The following LRGUK variants were observed in gnomAD, a reference collection of about 807,000 sequenced individuals.
LRGUK encodes leucine rich repeats and guanylate kinase domain containing.
LRGUK carries 65 observed loss-of-function variants against 76.0 expected under a neutral mutation model. The ratio of observed to expected loss-of-function variants is 0.85; its 90% confidence interval spans 0.70 to 1.05. LRGUK has a LOEUF of 1.05. Among genes scored for constraint, LRGUK ranks in the 50% least tolerant of loss-of-function variants. The pLI is 0.00. For missense variants in LRGUK, 758 were observed against 732.8 expected (o/e 1.03, Z -0.40); for synonymous variants, 268 against 265.6 (o/e 1.01, Z -0.09).
At chr7:134,270,023 G>C in the LRGUK span, among the ~76,000 whole-genome samples, 1 of 152,122 alleles carries the variant, frequency 6.6e-6, no homozygotes, top group Non-Finnish European at 1.5e-5. Flanking sequence ...GTTTCTCTCT[G>C]AGAATAACAA....
chr7:134,226,941 C>T (rs1801778388), intron 16 of LRGUK, among the ~76,000 whole-genome samples: 1 of 152,136 alleles, frequency 6.6e-6, no homozygotes, highest in Non-Finnish European at 1.5e-5. Context: ...CACCAAGAAC[C>T]TTCAGATACC....
At chr7:134,138,722 T>C (rs1797636420) in intron 2 of LRGUK, among the ~76,000 whole-genome samples, 2 of 152,324 alleles carry the variant, frequency 1.3e-5, no homozygotes, top group South Asian at 4.1e-4. Context: ...AAAACAATCA[T>C]AGAAGTCTTT....
chr7:134,239,348 C>T (rs558903432), intron 16 of LRGUK, among the ~76,000 whole-genome samples: 1 of 152,344 alleles, frequency 6.6e-6, no homozygotes, highest in South Asian at 2.1e-4. Flanking sequence ...GACACTCCCA[C>T]ACTAATACTG....
intron 12 of LRGUK, among the ~76,000 whole-genome samples, chr7:134,193,109 A>G (rs1800327973): frequency 6.6e-6 from 1 of 152,174 alleles, no homozygotes; most frequent in South Asian, 2.1e-4. Context: ...GTTTGTGGAG[A>G]TATACAAGTG....
At chr7:134,234,607 A>G (rs1395618009) in intron 16 of LRGUK, among the ~76,000 whole-genome samples, 1 of 152,156 alleles carries the variant, frequency 6.6e-6, no homozygotes, top group Non-Finnish European at 1.5e-5. Context: ...TCTTCTAAGA[A>G]TAGATTTATT....
chr7:134,151,105 A>G (rs1173608467), intron 5 of LRGUK, among the ~76,000 whole-genome samples: 1 of 152,202 alleles, frequency 6.6e-6, no homozygotes, highest in East Asian at 1.9e-4. Context: ...CTGTTTAAGC[A>G]TATCATATTG....
the LRGUK span, among the ~76,000 whole-genome samples, chr7:134,273,337 C>T: frequency 6.6e-6 from 1 of 152,166 alleles, no homozygotes; most frequent in South Asian, 2.1e-4. Flanking sequence ...CAGAGTCCCA[C>T]ATTCAAATGA....
chr7:134,149,373 T>A (rs1798110826), intron 5 of LRGUK, among the ~76,000 whole-genome samples: 1 of 152,170 alleles, frequency 6.6e-6, no homozygotes, highest in African/African-American at 2.4e-5. Context: ...GGAGACAGAA[T>A]GGAGAATGAA....
intron 13 of LRGUK, 39 bp downstream of exon 13, chr7:134,197,144 T>G: frequency 8.1e-7 from 1 of 1,241,484 alleles, no homozygotes; most frequent in Non-Finnish European, 1.2e-6. Context: ...TGTGTGTAGT[T>G]TGTGTGAGTG....
intron 16 of LRGUK, among the ~76,000 whole-genome samples, chr7:134,234,365 G>A (rs1047399406): frequency 6.6e-6 from 1 of 151,908 alleles, no homozygotes; most frequent in Non-Finnish European, 1.5e-5. Flanking sequence ...TTGTCTGACC[G>A]CCTGCATGGC....
intron 1 of LRGUK, 55 bp from the exon 2 acceptor site, chr7:134,136,968 T>A (rs1563136328): frequency 7.4e-7 from 1 of 1,347,438 alleles, no homozygotes; most frequent in Non-Finnish European, 1.0e-6. Flanking sequence ...CAAGATAGAT[T>A]GTTTCTTTTC....
intron 4 of LRGUK, 94 bp downstream of exon 4, chr7:134,143,256 A>G: frequency 1.3e-6 from 1 of 760,420 alleles, no homozygotes; most frequent in Non-Finnish European, 2.3e-6. Context: ...TTCAGAGAGA[A>G]TAAGATACAG....
At chr7:134,254,246 A>T (rs1340646289) in intron 18 of LRGUK, among the ~76,000 whole-genome samples, 3 of 152,192 alleles carry the variant, frequency 2.0e-5, no homozygotes, top group Non-Finnish European at 4.4e-5. Flanking sequence ...GTTGGAAGAT[A>T]AAATTTCACA....
At chr7:134,182,897 G>T (rs1036262336) in intron 10 of LRGUK, among the ~76,000 whole-genome samples, 1 of 152,140 alleles carries the variant, frequency 6.6e-6, no homozygotes, top group African/African-American at 2.4e-5. Flanking sequence ...GAGTAACTGG[G>T]ATTACGGGTG....
downstream of LRGUK, among the ~76,000 whole-genome samples, chr7:134,267,842 C>T (rs561947194): frequency 9.2e-5 from 14 of 152,072 alleles, no homozygotes; most frequent in South Asian, 6.2e-4. Flanking sequence ...ATTTGGGTGA[C>T]GGGTTCACTA....
chr7:134,259,955 G>A (rs1000000136), intron 19 of LRGUK, among the ~76,000 whole-genome samples: 1 of 152,080 alleles, frequency 6.6e-6, no homozygotes, highest in African/African-American at 2.4e-5. Flanking sequence ...TTCCTTAAAT[G>A]GGATGCTTAG....
intron 15 of LRGUK, among the ~76,000 whole-genome samples, chr7:134,220,175 G>A (rs1308641994): frequency 6.6e-6 from 1 of 152,106 alleles, no homozygotes; most frequent in East Asian, 1.9e-4. Context: ...GTCTCATTTT[G>A]TCACTTTGTG....
exon 15 of LRGUK, chr7:134,201,481 A>T (rs1444356468): frequency 6.2e-7 from 1 of 1,612,772 alleles, no homozygotes; most frequent in South Asian, 1.1e-5. Flanking sequence ...TTTGCTGCAG[A>T]TGATCTGGAT....
intron 7 of LRGUK, among the ~76,000 whole-genome samples, chr7:134,167,116 C>A (rs1799024205): frequency 6.6e-6 from 1 of 152,128 alleles, no homozygotes; most frequent in Admixed American, 6.5e-5. Context: ...TTCCACCTGG[C>A]CAACATACTC....
Sources: allele counts gnomAD v4.1 joint callset (sites outside exome capture counted in the v4.1 genomes callset), GRCh38; gene constraint gnomAD v4.1.1; transcripts MANE v1.5; gene names NCBI Gene and HGNC (gene_info 2026-07-23, HGNC 2026-07-21).